Variants in TAFA1 observed in about 807,000 individuals in gnomAD.
TAFA1 encodes the protein chemokine-like protein TAFA-1.
TAFA1 carries 4 observed loss-of-function variants against 18.5 expected under a neutral mutation model. That is an observed-to-expected ratio of 0.22 (90% CI 0.11 to 0.49). The LOEUF (loss-of-function observed/expected upper bound fraction) is 0.49. TAFA1 is among the 20% of genes least tolerant of loss of function. The probability of loss-of-function intolerance (pLI) is 0.98; values close to 1 mark genes in which losing one functional copy is unlikely to be tolerated. For synonymous variants in TAFA1, 56 were observed against 55.2 expected, an observed-to-expected ratio of 1.01 and a Z score of -0.06; for missense variants, 147 against 169.0, an observed-to-expected ratio of 0.87 and a Z score of 0.72.
chr3:68,148,262 C>G (rs1225089631), intron 2 of TAFA1, among the ~76,000 whole-genome samples: 17 of 152,274 alleles, frequency 1.1e-4, no homozygotes, highest in Non-Finnish European at 2.1e-4. Context: ...AACATATGAC[C>G]TTTTGAACTA....
rs145080614 is a variant in TAFA1, at chr3:68,031,365, G to T, written c.118+24621G>T. Among the ~76,000 whole-genome samples the T allele has an allele frequency of 8.3e-4, 127 of 152,246 alleles. 2 individuals are homozygous for T. In the East Asian group the frequency reaches 0.017, roughly 20 times the overall value. ...TTCATTCTACAAACATTTATGTGGG[G>T]TGCTGTGCCAGCACTTACAGGTGCC... is the stretch of plus-strand genomic sequence containing the variant. On this transcript the variant is annotated intron_variant, in intron 2 of 4. Coordinates refer to ENST00000478136, the MANE Select transcript of TAFA1 (RefSeq NM_213609.4).
chr3:68,006,832 C>T, intron 2 of TAFA1, 88 bp downstream of exon 2: 1 of 987,456 alleles, frequency 1.0e-6, no homozygotes, highest in East Asian at 2.4e-5. Context: ...ACATAAAGTG[C>T]TATAGTGTGG....
chr3:68,331,369 T>A (rs373186957), intron 2 of TAFA1, among the ~76,000 whole-genome samples: 4 of 152,320 alleles, frequency 2.6e-5, no homozygotes, highest in African/African-American at 9.6e-5. Flanking sequence ...ATAGTGGTGA[T>A]GGTTTTGCAT....
At chr3:68,526,754 A>C (rs2073116256) in intron 3 of TAFA1, among the ~76,000 whole-genome samples, 1 of 152,120 alleles carries the variant, frequency 6.6e-6, no homozygotes, top group African/African-American at 2.4e-5. Context: ...AAAATACCAA[A>C]GTGTAAAAGA....
At chr3:68,358,080 C>G (rs1394029363) in intron 2 of TAFA1, among the ~76,000 whole-genome samples, 7 of 151,860 alleles carry the variant, frequency 4.6e-5, no homozygotes, top group Admixed American at 6.6e-5. Context: ...CAACATTCAA[C>G]AAGGCTGTTT....
At chr3:68,220,060 G>A (rs1018423518) in intron 2 of TAFA1, among the ~76,000 whole-genome samples, 1 of 152,116 alleles carries the variant, frequency 6.6e-6, no homozygotes, top group Non-Finnish European at 1.5e-5. Flanking sequence ...AAGCTTCATA[G>A]GTCCCCAATT....
intron 2 of TAFA1, among the ~76,000 whole-genome samples, chr3:68,169,418 A>C (rs1314745274): frequency 6.6e-6 from 1 of 152,254 alleles, no homozygotes; most frequent in Middle Eastern, 3.2e-3. Context: ...ACAAATGAGG[A>C]AACCTGAACT....
chr3:68,517,353 TAAAAG>T (rs2072938945), intron 3 of TAFA1, among the ~76,000 whole-genome samples: 1 of 152,240 alleles, frequency 6.6e-6, no homozygotes, highest in Non-Finnish European at 1.5e-5. Flanking sequence ...GTCATTGAAT[TAAAAG>T]AATCAGTTCC....
intron 3 of TAFA1, among the ~76,000 whole-genome samples, chr3:68,528,512 T>G (rs926336995): frequency 1.2e-4 from 19 of 152,300 alleles, no homozygotes; most frequent in African/African-American, 4.3e-4. Flanking sequence ...TTTGCTTTGA[T>G]AAAGACAATA....
At chr3:68,198,738 TA>T (rs2066440615) in intron 2 of TAFA1, among the ~76,000 whole-genome samples, 1 of 151,552 alleles carries the variant, frequency 6.6e-6, no homozygotes, top group South Asian at 2.1e-4. Context: ...TTTTATTGTT[TA>T]AAGAGTTTGT....
the TAFA1 span, among the ~76,000 whole-genome samples, chr3:67,998,987 A>T: frequency 6.6e-6 from 1 of 152,162 alleles, no homozygotes; most frequent in Non-Finnish European, 1.5e-5. Context: ...GTAATTAAAG[A>T]TCTTTCTTCT....
At position 68,120,693 on chromosome 3, in the gene TAFA1, G is replaced by A. The variant is rs576062834; in HGVS notation, c.118+113949G>A. Reference sequence around the variant, plus strand: ...GCACTACCTAACTTCATGTTTCTGTGCAACGGATATTTATTGTGTGCCTGC... The same window carrying A: ...GCACTACCTAACTTCATGTTTCTGTACAACGGATATTTATTGTGTGCCTGC... On this transcript the variant is annotated intron_variant, in intron 2 of 4. Coordinates refer to ENST00000478136, the MANE Select transcript of TAFA1 (RefSeq NM_213609.4). 3.9e-5 allele frequency among the ~76,000 whole-genome samples: 6 copies of A among 152,258 alleles called. No homozygotes were observed. In the East Asian group the frequency reaches 7.7e-4, roughly 20 times the overall value.
intron 3 of TAFA1, among the ~76,000 whole-genome samples, chr3:68,489,839 T>A (rs1307254661): frequency 5.3e-5 from 8 of 152,166 alleles, no homozygotes; most frequent in Non-Finnish European, 1.2e-4. Context: ...ATCTAAACTC[T>A]TGAGCACATG....
chr3:68,014,213 C>T (rs1461968520), intron 2 of TAFA1, among the ~76,000 whole-genome samples: 1 of 152,150 alleles, frequency 6.6e-6, no homozygotes, highest in Non-Finnish European at 1.5e-5. Context: ...TTTAGATAAG[C>T]TAATACACAG....
At chr3:68,409,472 T>C (rs1031297260) in intron 2 of TAFA1, among the ~76,000 whole-genome samples, 8 of 152,092 alleles carry the variant, frequency 5.3e-5, no homozygotes, top group African/African-American at 1.9e-4. Flanking sequence ...TTAAAAGTGG[T>C]CATTTCCCCT....
At chr3:68,024,563 G>A (rs1004289961) in intron 2 of TAFA1, among the ~76,000 whole-genome samples, 4 of 152,016 alleles carry the variant, frequency 2.6e-5, no homozygotes. Context: ...TACATTGTGA[G>A]GCCAAAATAA....
intron 2 of TAFA1, among the ~76,000 whole-genome samples, chr3:68,277,788 T>A (rs2067823129): frequency 6.6e-6 from 1 of 152,164 alleles, no homozygotes; most frequent in Non-Finnish European, 1.5e-5. Flanking sequence ...CACAAAAGCA[T>A]TGAGGTCATC....
intron 2 of TAFA1, among the ~76,000 whole-genome samples, chr3:68,160,085 G>T (rs898066687): frequency 6.6e-6 from 1 of 152,186 alleles, no homozygotes; most frequent in Non-Finnish European, 1.5e-5. Flanking sequence ...TAGTAGAAAT[G>T]GAAAGCTCTT....
At chr3:68,322,625 A>G (rs1304754465) in intron 2 of TAFA1, among the ~76,000 whole-genome samples, 4 of 152,102 alleles carry the variant, frequency 2.6e-5, no homozygotes, top group Non-Finnish European at 4.4e-5. Context: ...TGAGCCCAGG[A>G]GTTGGCTGCT....
Sources: gnomAD v4.1 joint callset for allele counts (sites outside exome capture counted in the v4.1 genomes callset) on GRCh38, gnomAD v4.1.1 for gene constraint, MANE v1.5 for transcripts, NCBI Gene and HGNC (gene_info 2026-07-23, HGNC 2026-07-21) for gene names.